FDFT1: variants seen among roughly 807,000 people sequenced by gnomAD.
FDFT1 encodes squalene synthase.
In FDFT1, 68 loss-of-function variants were observed where a neutral mutation model predicts 46.8. The ratio of observed to expected loss-of-function variants is 1.45; its 90% CI spans 1.19 to 1.78. The LOEUF is 1.78. Ranked by LOEUF, FDFT1 falls within the 40% of genes most tolerant of loss-of-function variation. The pLI is 0.00. For synonymous variants in FDFT1, 351 were observed against 185.1 expected (o/e 1.90, Z -7.28); for missense variants, 928 against 524.4 (o/e 1.77, Z -7.52).
chr8:11,803,028 G>T lies in FDFT1; in HGVS notation c.99+97G>T, dbSNP rs1010156850. ...CGGGCCCGGATCTGGGGCAAGGGGC[G>T]CGGCGAGCAGGGCCGACGCCTGGGT... On this transcript the variant is annotated intron_variant, in intron 1 of 7. Transcript: ENST00000220584. 6 of 1,500,974 alleles carry T rather than the reference G, an allele frequency of 4.0e-6. No homozygotes were observed. The African/African-American group carries it at 7.0e-5, about 18-fold the overall frequency. The allele number at this position is 1,500,974 out of a possible 1,614,324, so 93.0% of individuals were successfully genotyped here. A position where few individuals can be genotyped will look rare whatever the true frequency, so the allele number is the denominator to read the frequency against.
chr8:11,801,925 G>A (rs1465684323), upstream of FDFT1: 4 of 453,880 alleles, frequency 8.8e-6, no homozygotes, highest in Non-Finnish European at 4.4e-6. Context: ...TCTTGACCTC[G>A]TGATCCACCC....
At chr8:11,833,428 TAA>T (rs1811131480) in intron 7 of FDFT1, among the ~76,000 whole-genome samples, 2 of 152,240 alleles carry the variant, frequency 1.3e-5, no homozygotes, top group East Asian at 3.8e-4. Context: ...TCATTTTATA[TAA>T]ACTAGAAACA....
At chr8:11,802,007 A>G (rs1039233320), upstream of FDFT1, 1 of 455,890 alleles carries the variant, frequency 2.2e-6, no homozygotes, top group Non-Finnish European at 4.4e-6. Context: ...AGTAGTTTCT[A>G]GGGCTGGAGA....
intron 1 of FDFT1, chr8:11,803,483 C>T (rs950044850): frequency 7.2e-6 from 9 of 1,256,694 alleles, no homozygotes; most frequent in East Asian, 5.6e-5. Context: ...AATGAGTTAT[C>T]TAACGTCTAT....
At position 11,809,198 on chromosome 8, in the gene FDFT1, C is replaced by G. The variant is rs1441238957; in HGVS notation, c.197+307C>G. ...TCGTGTATTTCTCGGCTTCCCTTATCCAACTTTGCATTTCTATTTCTAGCA... is the reference window on the plus strand; with the variant it reads ...TCGTGTATTTCTCGGCTTCCCTTATGCAACTTTGCATTTCTATTTCTAGCA... On this transcript the variant is annotated intron_variant, in intron 2 of 7. Coordinates refer to ENST00000220584, the MANE Select transcript of FDFT1 (RefSeq NM_004462.5). 14 of 1,218,388 alleles carry G rather than the reference C, an allele frequency of 1.1e-5. No homozygotes were observed. In the Admixed American group the frequency reaches 2.4e-4, roughly 21 times the overall value. The allele number at this position is 1,218,388 out of a possible 1,614,324, so 75.5% of individuals were successfully genotyped here.
chr8:11,806,780 A>G (rs1199192185), intron 1 of FDFT1, among the ~76,000 whole-genome samples: 1 of 152,132 alleles, frequency 6.6e-6, no homozygotes, highest in East Asian at 1.9e-4. Context: ...CTGCCTCTCG[A>G]TATTTTGAGA....
intron 2 of FDFT1, chr8:11,809,409 T>C (rs1188845903): frequency 1.6e-6 from 2 of 1,217,856 alleles, no homozygotes; most frequent in Non-Finnish European, 2.0e-6. Context: ...CTACATTGGT[T>C]AAATGCAACT....
intron 4 of FDFT1, among the ~76,000 whole-genome samples, chr8:11,823,064 C>G (rs542842356): frequency 6.6e-6 from 1 of 152,234 alleles, no homozygotes; most frequent in East Asian, 1.9e-4. Flanking sequence ...AGGTGATCCT[C>G]CCACCTCAGC....
chr8:11,811,694 A>G (rs1323301430), intron 3 of FDFT1, among the ~76,000 whole-genome samples: 1 of 152,276 alleles, frequency 6.6e-6, no homozygotes, highest in Non-Finnish European at 1.5e-5. Flanking sequence ...TAGAGATTCC[A>G]TCCTCTTGAA....
intron 2 of FDFT1, chr8:11,809,436 G>GGT: frequency 7.9e-7 from 1 of 1,262,954 alleles, no homozygotes; most frequent in Non-Finnish European, 9.9e-7. Context: ...TGGGAGTAGT[G>GGT]GTGACATTCA....
In FDFT1 at chr8:11,838,928, T is replaced by C. The variant is rs144342392; in HGVS notation, c.*319T>C. The stretch of plus-strand genomic sequence containing the variant: ...CATGAGATCCTACTTAGTATGATCC[T>C]GGCTAGAATGATAATTAAAAGTATT... On this transcript the variant is annotated 3_prime_UTR_variant, in exon 8 of 8. Transcript: ENST00000220584. The C allele has an allele frequency of 1.7e-4, 47 of 277,552 alleles. No homozygotes were observed. Among genetic ancestry groups the C allele is most frequent in the African/African-American group, 8.7e-4 (39 of 44,598 alleles). 17.2% of individuals were successfully genotyped at this position (277,552 alleles called of 1,614,324 possible).
intron 4 of FDFT1, 133 bp downstream of exon 4, chr8:11,822,011 G>A: frequency 2.9e-6 from 3 of 1,032,702 alleles, no homozygotes; most frequent in Non-Finnish European, 4.2e-6. Flanking sequence ...TGTTTAGGTT[G>A]AATGTCTCAT....
chr8:11,806,159 C>A (rs529249899), intron 1 of FDFT1, among the ~76,000 whole-genome samples: 13 of 152,206 alleles, frequency 8.5e-5, no homozygotes, highest in Non-Finnish European at 1.8e-4. Flanking sequence ...CTGGTCTTGT[C>A]GTCTTCCTGA....
At chr8:11,833,536 C>G (rs990371319) in intron 7 of FDFT1, among the ~76,000 whole-genome samples, 2 of 152,166 alleles carry the variant, frequency 1.3e-5, no homozygotes, top group African/African-American at 4.8e-5. Context: ...AATTCCATTA[C>G]TATATTAAAA....
chr8:11,802,168 C>T (rs1437276347), upstream of FDFT1: 4 of 446,818 alleles, frequency 9.0e-6, no homozygotes, highest in South Asian at 6.3e-5. Flanking sequence ...GGCTGGATGG[C>T]GGTGGCGGGC....
chr8:11,810,369 G>T lies in FDFT1; in HGVS notation c.381+519G>T, dbSNP rs528136407. On this transcript the variant is annotated intron_variant, in intron 3 of 7. Transcript: ENST00000220584. ...CTGGTAGCATGGGACTGCTGCTCACGATGGGCAGCAGCCTGGCATGGGGGC... is the reference window on the plus strand; with the variant it reads ...CTGGTAGCATGGGACTGCTGCTCACTATGGGCAGCAGCCTGGCATGGGGGC... 1.7e-3 allele frequency among the ~76,000 whole-genome samples: 261 copies of T among 152,314 alleles called. 1 individual carries two copies. The highest frequency in any genetic ancestry group is 5.9e-3 in the African/African-American group (247 of 41,574).
At chr8:11,836,173 A>C (rs958172868) in intron 7 of FDFT1, among the ~76,000 whole-genome samples, 2 of 149,654 alleles carry the variant, frequency 1.3e-5, no homozygotes, top group African/African-American at 2.5e-5. Context: ...AAAAATCTAC[A>C]ATATACCAAA....
intron 4 of FDFT1, among the ~76,000 whole-genome samples, chr8:11,823,963 C>T (rs987340589): frequency 1.3e-5 from 2 of 152,100 alleles, no homozygotes; most frequent in Non-Finnish European, 1.5e-5. Context: ...CTAGGCTGGT[C>T]TTGAGCTCCT....
At chr8:11,803,057 C>T in intron 1 of FDFT1, 126 bp downstream of exon 1, 2 of 1,459,328 alleles carry the variant, frequency 1.4e-6, no homozygotes, top group South Asian at 1.4e-5. Flanking sequence ...CCTGGGTGTT[C>T]CCGTCCCCCT....
Sources: allele counts gnomAD v4.1 joint callset (sites outside exome capture counted in the v4.1 genomes callset), GRCh38; gene constraint gnomAD v4.1.1; transcripts MANE v1.5; gene names NCBI Gene and HGNC (gene_info 2026-07-23, HGNC 2026-07-21).